IFNLR1: variants seen among roughly 807,000 people sequenced by gnomAD.
IFNLR1 encodes the protein CRF2-12.
A neutral mutation model predicts 52.5 loss-of-function variants in IFNLR1; 28 were observed. The ratio of observed to expected loss-of-function variants is 0.53; its 90% CI spans 0.40 to 0.73. The LOEUF (loss-of-function observed/expected upper bound fraction) is 0.73. Among genes scored for constraint, IFNLR1 ranks in the 30% least tolerant of loss-of-function variants. The pLI, the probability that IFNLR1 is intolerant of heterozygous loss-of-function variation, is 0.00. For synonymous variants in IFNLR1, 276 were observed against 274.9 expected, an observed-to-expected ratio of 1.00 and a Z score of -0.04; for missense variants, 623 against 659.1, an observed-to-expected ratio of 0.95 and a Z score of 0.60.
At position 24,161,589 on chromosome 1, in the gene IFNLR1, C is replaced by G; in HGVS notation, c.463G>C (p.Asp155His). ...CAGAATGCCACCTCATACTTCAGAT[C>G]CAGTGGGGGCATGCAGGGGGGCAGC... The part of the protein sequence containing the change: ...YQLPPCMPPL[D>H]LKYEVAFWKE... The change falls in exon 4 of 7, where the codon GAT becomes CAT. Residue 155 changes from aspartate to histidine, a missense_variant. By Grantham distance (81) the Asp-to-His change is moderately conservative. Coordinates refer to ENST00000327535, the MANE Select transcript of IFNLR1 (RefSeq NM_170743.4). 1 of 1,555,520 alleles carries G rather than the reference C, an allele frequency of 6.4e-7. No individual in the cohort carries two copies. The highest frequency in any genetic ancestry group is 8.7e-7 in the Non-Finnish European group (1 of 1,148,402).
At chr1:24,162,876 T>TTTCCTTCC (rs752104875) in intron 3 of IFNLR1, among the ~76,000 whole-genome samples, 288 of 22,510 alleles carry the variant, frequency 0.013, 20 homozygotes, top group East Asian at 0.02. Flanking sequence ...TCTTTCTTTC[T>TTTCCTTCC]TTCCTTCCTT....
chr1:24,162,767 TC>T (rs1411002178), intron 3 of IFNLR1, among the ~76,000 whole-genome samples: 3,370 of 28,082 alleles, frequency 0.12, 263 homozygotes, highest in Admixed American at 0.15. Context: ...TTTCTTTCTT[TC>T]TTTCTTTCTT....
chr1:24,180,497 ACCCCCG>A (rs1644677903), intron 2 of IFNLR1, among the ~76,000 whole-genome samples: 2 of 151,506 alleles, frequency 1.3e-5, no homozygotes, highest in Non-Finnish European at 2.9e-5. Context: ...TCAAAGACTT[ACCCCCG>A]CCCCGGCAGA....
intron 3 of IFNLR1, among the ~76,000 whole-genome samples, chr1:24,162,463 C>T (rs1387864246): frequency 1.3e-5 from 2 of 152,216 alleles, no homozygotes; most frequent in Non-Finnish European, 2.9e-5. Context: ...CCAGGATAAC[C>T]TCACTATTTG....
intron 1 of IFNLR1, among the ~76,000 whole-genome samples, chr1:24,185,972 G>C (rs181489302): frequency 6.6e-6 from 1 of 152,336 alleles, no homozygotes; most frequent in Admixed American, 6.5e-5. Context: ...GTCAGTTTGT[G>C]TGGGAGCCAG....
At position 24,170,123 on chromosome 1, in the gene IFNLR1, C is replaced by T. The variant is rs181883765; in HGVS notation, c.183-522G>A. Among the ~76,000 whole-genome samples the T allele has an allele frequency of 8.1e-4, 124 of 152,276 alleles. 1 individual carries two copies. The highest frequency in any genetic ancestry group is 2.1e-3 in the African/African-American group (89 of 41,550). On this transcript the variant is annotated intron_variant, in intron 2 of 6. Coordinates refer to ENST00000327535, the MANE Select transcript of IFNLR1 (RefSeq NM_170743.4). ...ACACAGTGTTTGCCCTTCCGCTATG[C>T]GAAGACGCAGCGAGAAGGCACCATC...
chr1:24,184,722 A>G (rs539917955), intron 1 of IFNLR1, among the ~76,000 whole-genome samples: 9 of 152,312 alleles, frequency 5.9e-5, no homozygotes, highest in African/African-American at 2.2e-4. Context: ...CGATGATGAT[A>G]ATAATAGCAG....
Position 24,157,172 on chromosome 1 carries a change from G to C in IFNLR1, c.1521C>G (p.Thr507=). The change falls in exon 7 of 7, where the codon ACC becomes ACG. Residue 507 remains threonine, a synonymous_variant. Transcript: ENST00000327535. This position sits in a 1 kb window ranked among gnomAD's most constrained non-coding sequence, Gnocchi z 5.1. ...GSWGAESTQR[T]EDRGRTLGHY... The stretch of plus-strand genomic sequence containing the variant: ...GCCCCAATGTCCGGCCCCTGTCCTC[G>C]GTCCTCTGGGTGCTCTCAGCCCCCC... 1.2e-6 allele frequency: 2 copies of C among 1,613,888 alleles called. No individual in the cohort carries two copies. The highest frequency in any genetic ancestry group is 1.7e-6 in the Non-Finnish European group (2 of 1,179,968).
rs1557643983 is a variant in IFNLR1 at position 24,162,788 on chromosome 1, TTTTC to T, written c.368-1108_368-1105del. Among the ~76,000 whole-genome samples the T allele has an allele frequency of 7.5e-4, 53 of 70,820 alleles. 4 individuals are homozygous for T. The highest frequency in any genetic ancestry group is 1.2e-3 in the African/African-American group (22 of 18,138). 46.5% of individuals were successfully genotyped at this position (70,820 alleles called of 152,430 possible). ...TCTTTCTTTCTTTCTTTTTCTTTCT[TTTTC>T]TTTCTTTCTTTTTTCTTTCTTTTTT... On this transcript the variant is annotated intron_variant, in intron 3 of 6. Coordinates refer to ENST00000327535, the MANE Select transcript of IFNLR1 (RefSeq NM_170743.4).
intron 3 of IFNLR1, among the ~76,000 whole-genome samples, chr1:24,162,420 C>T (rs1429649031): frequency 6.6e-6 from 1 of 152,224 alleles, no homozygotes; most frequent in African/African-American, 2.4e-5. Context: ...GTTTTAAAGG[C>T]TCATGGGATT....
Position 24,168,078 on chromosome 1 carries a change from A to C in IFNLR1, c.367+1339T>G, listed in dbSNP as rs148626084. ...TTGACTAACATACTTCCTATCCTCC[A>C]TCTCTCTATCCACACATATTTCCTT... is the stretch of plus-strand genomic sequence containing the variant. On this transcript the variant is annotated intron_variant, in intron 3 of 6. Transcript: ENST00000327535. 5.8e-3 allele frequency among the ~76,000 whole-genome samples: 881 copies of C among 151,354 alleles called. 10 individuals carry two copies. Among genetic ancestry groups the C allele is most frequent in the African/African-American group, 0.019 (794 of 41,212 alleles).
At chr1:24,158,953 G>C in intron 6 of IFNLR1, 99 bp downstream of exon 6, 2 of 1,250,964 alleles carry the variant, frequency 1.6e-6, no homozygotes. Context: ...CAAGAGTCTG[G>C]ACCATCTTGA....
chr1:24,159,608 C>CCATG lies in IFNLR1; in HGVS notation c.532_535dup (p.Gly179AlafsTer37), dbSNP rs772082692. On this transcript the variant is annotated frameshift_variant, in exon 5 of 7. Transcript: ENST00000327535. LOFTEE classifies it high-confidence loss of function. ...CTGGAGAGTGATCTGGACTGGCTGGCCATGGGGAGTGACTGGAAATAGGGT... is the reference window on the plus strand; with the variant it reads ...CTGGAGAGTGATCTGGACTGGCTGGCCATGCATGGGGAGTGACTGGAAATAGGGT... 1.4e-5 allele frequency: 22 copies of CCATG among 1,613,756 alleles called. No individual in the cohort carries two copies. Among genetic ancestry groups the CCATG allele is most frequent in the Non-Finnish European group, 1.7e-5 (20 of 1,179,958 alleles).
intron 2 of IFNLR1, 101 bp downstream of exon 2, chr1:24,180,630 C>T (rs969638402): frequency 5.9e-6 from 7 of 1,181,710 alleles, no homozygotes; most frequent in Non-Finnish European, 7.3e-6. Context: ...GAGAGCTAGC[C>T]AGTGCTGCCC....
Position 24,156,527 on chromosome 1 carries a change from G to C in IFNLR1, c.*603C>G, listed in dbSNP as rs1644380149. On this transcript the variant is annotated 3_prime_UTR_variant, in exon 7 of 7. Transcript: ENST00000327535. ...CAGCAGAGCTGGGATTTGAACCCCG[G>C]TCTGTCTGACACTAAAACCGTACAG... The C allele has an allele frequency of 1.3e-5, 2 of 152,342 alleles. No homozygotes were observed. The highest frequency in any genetic ancestry group is 2.9e-5 in the Non-Finnish European group (2 of 68,192). The allele number at this position is 152,342 out of a possible 1,614,324, so 9.4% of individuals were successfully genotyped here. A position where few individuals can be genotyped will look rare whatever the true frequency, so the allele number is the denominator to read the frequency against.
At chr1:24,169,788 G>C (rs1644560085) in intron 2 of IFNLR1, among the ~76,000 whole-genome samples, 187 bp from the exon 3 acceptor site, 1 of 152,238 alleles carries the variant, frequency 6.6e-6, no homozygotes, top group African/African-American at 2.4e-5. Flanking sequence ...TCTGGAGCCA[G>C]ATGGATGGGA....
intron 2 of IFNLR1, among the ~76,000 whole-genome samples, chr1:24,177,698 A>G (rs2148600810): frequency 6.6e-6 from 1 of 152,350 alleles, no homozygotes; most frequent in East Asian, 1.9e-4. Flanking sequence ...TTTAACAGCC[A>G]TCTAGGCATC....
chr1:24,176,451 A>G (rs145138164), intron 2 of IFNLR1, among the ~76,000 whole-genome samples: 242 of 152,366 alleles, frequency 1.6e-3, no homozygotes, highest in African/African-American at 5.6e-3. Context: ...ATCAAATTGT[A>G]TACTTTAAAA....
intron 2 of IFNLR1, among the ~76,000 whole-genome samples, chr1:24,173,127 C>CA (rs60148493): frequency 0.45 from 47,544 of 106,574 alleles, 9,009 homozygotes; most frequent in Middle Eastern, 0.52. Context: ...TTTTCTCTTC[C>CA]AAAAAAAAAA....
Sources: gnomAD v4.1 joint callset for allele counts (sites outside exome capture counted in the v4.1 genomes callset) on GRCh38, gnomAD v4.1.1 for gene constraint, Gnocchi (gnomAD v3.1) non-coding constraint, MANE v1.5 for transcripts, NCBI Gene and HGNC (gene_info 2026-07-23, HGNC 2026-07-21) for gene names.